Variants in LMO7 observed in about 807,000 individuals in gnomAD.
The protein encoded by LMO7 is LIM domain only protein 7.
A neutral mutation model predicts 206.5 loss-of-function variants in LMO7; 120 were observed. The ratio of observed to expected loss-of-function variants is 0.58; its 90% CI spans 0.50 to 0.68. The LOEUF is 0.68. LMO7 is among the 30% of genes least tolerant of loss of function. The pLI, the probability that LMO7 is intolerant of heterozygous loss-of-function variation, is 0.00. For missense variants in LMO7, 1,959 were observed against 1,957.9 expected (o/e 1.00, Z -0.01); for synonymous variants, 706 against 681.5 (o/e 1.04, Z -0.56).
intron 1 of LMO7, among the ~76,000 whole-genome samples, chr13:75,684,436 G>A (rs1220280478): frequency 3.3e-5 from 5 of 151,838 alleles, no homozygotes; most frequent in African/African-American, 9.7e-5. Flanking sequence ...GTAGAGACGC[G>A]GTTTCTCCAC....
chr13:75,636,911 G>T (rs879709159), intron 1 of LMO7, among the ~76,000 whole-genome samples, 185 bp downstream of exon 1: 66 of 152,206 alleles, frequency 4.3e-4, no homozygotes, highest in African/African-American at 1.5e-3. Flanking sequence ...TGCATCTTAT[G>T]TCCCGCTTAG....
intron 3 of LMO7, 50 bp downstream of exon 3, chr13:75,727,148 A>G (rs1417584147): frequency 2.4e-6 from 3 of 1,246,448 alleles, no homozygotes; most frequent in African/African-American, 1.5e-5. Flanking sequence ...TTTGAAATGT[A>G]AAGAGGTGGG....
intron 1 of LMO7, among the ~76,000 whole-genome samples, chr13:75,680,997 A>G (rs968098959): frequency 1.3e-5 from 2 of 150,216 alleles, no homozygotes; most frequent in Admixed American, 1.3e-4. Flanking sequence ...TCCTTTGCCC[A>G]CTTTTTAATG....
intron 1 of LMO7, among the ~76,000 whole-genome samples, chr13:75,650,569 T>A (rs1000671837): frequency 6.6e-6 from 1 of 152,194 alleles, no homozygotes; most frequent in African/African-American, 2.4e-5. Flanking sequence ...TGTTTTATAT[T>A]GAAGGAAAAA....
At chr13:75,698,836 T>C (rs1027514524) in intron 1 of LMO7, among the ~76,000 whole-genome samples, 1 of 152,324 alleles carries the variant, frequency 6.6e-6, no homozygotes, top group Admixed American at 6.5e-5. Flanking sequence ...ATTCACATAC[T>C]ATACAATTCA....
chr13:75,744,776 A>G (rs2046698846), intron 3 of LMO7, among the ~76,000 whole-genome samples: 1 of 152,206 alleles, frequency 6.6e-6, no homozygotes, highest in Admixed American at 6.5e-5. Context: ...AGGCAGAGTC[A>G]TAGCTGTAAA....
chr13:75,675,692 A>G (rs1296994982), intron 1 of LMO7, among the ~76,000 whole-genome samples: 1 of 152,208 alleles, frequency 6.6e-6, no homozygotes, highest in African/African-American at 2.4e-5. Flanking sequence ...TTTCTGAGAC[A>G]GAGCTCTGTA....
chr13:75,833,816 A>C (rs1391035206), intron 16 of LMO7, among the ~76,000 whole-genome samples: 3 of 152,096 alleles, frequency 2.0e-5, no homozygotes, highest in Non-Finnish European at 4.4e-5. Context: ...ATGGTATTTT[A>C]GTTATGGAGT....
chr13:75,621,724 A>G, exon 1 of LMO7: 3 of 1,593,196 alleles, frequency 1.9e-6, no homozygotes, highest in Non-Finnish European at 2.6e-6. Context: ...CCATATTTTC[A>G]CGTTTTACAG....
At chr13:75,675,559 G>A (rs1167978840) in intron 1 of LMO7, among the ~76,000 whole-genome samples, 1 of 151,594 alleles carries the variant, frequency 6.6e-6, no homozygotes, top group Admixed American at 6.6e-5. Flanking sequence ...TGTTTGTTTT[G>A]TTTTGTTCCA....
At chr13:75,708,483 T>C (rs1211862815) in intron 1 of LMO7, among the ~76,000 whole-genome samples, 1 of 152,206 alleles carries the variant, frequency 6.6e-6, no homozygotes, top group Non-Finnish European at 1.5e-5. Context: ...ATTATAAGTG[T>C]CAGTGGCTCT....
intron 11 of LMO7, among the ~76,000 whole-genome samples, chr13:75,811,812 T>G (rs1205540802): frequency 2.0e-5 from 3 of 152,208 alleles, no homozygotes; most frequent in African/African-American, 7.2e-5. Context: ...TATGACAAAT[T>G]TTTTTGTAAG....
chr13:75,784,174 C>T (rs556514851), intron 4 of LMO7, among the ~76,000 whole-genome samples: 4 of 152,078 alleles, frequency 2.6e-5, no homozygotes, highest in Non-Finnish European at 5.9e-5. Flanking sequence ...ACAGTTTCCC[C>T]CCGAAGCAGA....
chr13:75,857,739 A>T, intron 30 of LMO7, 182 bp from the exon 31 acceptor site: 1 of 406,028 alleles, frequency 2.5e-6, no homozygotes, highest in Non-Finnish European at 4.4e-6. Context: ...CATTTTTACA[A>T]ATAAAGAATT....
Position 75,841,619 on chromosome 13 carries a change from G to T in LMO7, c.3676-9G>T. 1 of 1,552,622 alleles carries T rather than the reference G, an allele frequency of 6.4e-7. No homozygotes were observed. Among genetic ancestry groups the T allele is most frequent in the Non-Finnish European group, 8.7e-7 (1 of 1,146,016 alleles). On this transcript the variant is annotated splice_polypyrimidine_tract_variant and intron_variant, in intron 23 of 30. Coordinates refer to ENST00000377534, the MANE Select transcript of LMO7 (RefSeq NM_001306080.2). ...TTTAGATGGATTTCTTTTTTCACTG[G>T]TCACCTAGGAACTGATGGTCCTAAG...
intron 1 of LMO7, among the ~76,000 whole-genome samples, chr13:75,666,444 G>A (rs1342562491): frequency 6.6e-6 from 1 of 152,170 alleles, no homozygotes; most frequent in East Asian, 1.9e-4. Flanking sequence ...TTCCTAAAGT[G>A]TTCTCATTTC....
Position 75,849,085 on chromosome 13 carries a change from A to G in LMO7, c.4157A>G (p.Asn1386Ser). 1 of 1,586,714 alleles carries G rather than the reference A, an allele frequency of 6.3e-7. No individual in the cohort carries two copies. The highest frequency in any genetic ancestry group is 8.6e-7 in the Non-Finnish European group (1 of 1,156,280). The change falls in exon 27 of 31, where the codon AAT becomes AGT. Residue 1386 changes from asparagine to serine, a missense_variant. Asn to Ser is a conservative substitution (Grantham distance 46). Transcript: ENST00000377534. ...DDYSTNKNGN[N>S]KYLDQIGNMT... ...TGATTTGTTTTTAATTTAGGAAACA[A>G]TAAATATTTAGACCAAATTGGGAAC...
chr13:75,841,825 T>C lies in LMO7; in HGVS notation c.3873T>C (p.Val1291=). 6.2e-7 allele frequency: 1 copy of C among 1,613,980 alleles called. No homozygotes were observed. Among genetic ancestry groups the C allele is most frequent in the Non-Finnish European group, 8.5e-7 (1 of 1,179,994 alleles). The change falls in exon 24 of 31, where the codon GTT becomes GTC. Residue 1291 remains valine (V), a synonymous_variant. Coordinates refer to ENST00000377534, the MANE Select transcript of LMO7 (RefSeq NM_001306080.2). The stretch of plus-strand genomic sequence containing the variant: ...GAAAGAAGCCGCAGGATCAGCTTGT[T>C]ATTGAGAGAGAGAGGAAATGGGAGC... ...DQGKKPQDQL[V]IERERKWEQQ...
chr13:75,689,394 A>G (rs1189761437), intron 1 of LMO7, among the ~76,000 whole-genome samples: 1 of 152,198 alleles, frequency 6.6e-6, no homozygotes, highest in African/African-American at 2.4e-5. Context: ...ATTTTCCAAG[A>G]TACAGCATTT....
Sources: allele counts gnomAD v4.1 joint callset (sites outside exome capture counted in the v4.1 genomes callset), GRCh38; gene constraint gnomAD v4.1.1; transcripts MANE v1.5; gene names NCBI Gene and HGNC (gene_info 2026-07-23, HGNC 2026-07-21).